Variants in SNX29 observed in about 807,000 individuals in gnomAD.
SNX29 encodes sorting nexin 29.
A neutral mutation model predicts 102.1 loss-of-function variants in SNX29; 78 were observed. That is an observed-to-expected ratio of 0.76 (90% CI 0.64 to 0.92). SNX29 has a LOEUF of 0.92. SNX29 is among the 40% of genes least tolerant of loss of function. SNX29 has a pLI of 0.00. For missense variants in SNX29, 1,280 were observed against 1,061.7 expected (o/e 1.21, Z -2.86); for synonymous variants, 580 against 414.5 (o/e 1.40, Z -4.85).
intron 20 of SNX29, among the ~76,000 whole-genome samples, chr16:12,540,922 A>C (rs2077305776): frequency 6.6e-6 from 1 of 152,036 alleles, no homozygotes; most frequent in East Asian, 1.9e-4. Flanking sequence ...CTGTCTGTTC[A>C]CCCCCTGCCC....
chr16:12,571,393 A>G lies in SNX29; in HGVS notation c.*2764A>G, dbSNP rs1220988028. On this transcript the variant is annotated 3_prime_UTR_variant, in exon 21 of 21. Transcript: ENST00000566228. ...TGGCGAAGACACCCCTGAGGAAAGG[A>G]TTGCTTGCACCTCACATCTGTCTTC... The G allele has an allele frequency of 4.3e-6, 1 of 231,786 alleles. No individual in the cohort carries two copies. Among genetic ancestry groups the G allele is most frequent in the Non-Finnish European group, 8.5e-6 (1 of 117,356 alleles). The allele number at this position is 231,786 out of a possible 1,614,324, so 14.4% of individuals were successfully genotyped here.
chr16:12,212,361 G>A (rs1409387959), intron 14 of SNX29, among the ~76,000 whole-genome samples: 2 of 152,152 alleles, frequency 1.3e-5, no homozygotes, highest in African/African-American at 4.8e-5. Context: ...GCAGGGCTGT[G>A]TGTAGACTGG....
At chr16:12,290,327 A>G (rs1392287107) in intron 15 of SNX29, among the ~76,000 whole-genome samples, 2 of 152,000 alleles carry the variant, frequency 1.3e-5, no homozygotes, top group Non-Finnish European at 2.9e-5. Context: ...CCCACCTGGA[A>G]CCCTGTTCTT....
intron 14 of SNX29, among the ~76,000 whole-genome samples, 184 bp from the exon 15 acceptor site, chr16:12,277,749 G>A (rs565720202): frequency 2.6e-5 from 4 of 152,040 alleles, no homozygotes; most frequent in East Asian, 1.9e-4. Flanking sequence ...CTTGTCACTC[G>A]TTTTATTGTA....
intron 15 of SNX29, among the ~76,000 whole-genome samples, chr16:12,335,011 A>C (rs984399963): frequency 1.3e-5 from 2 of 150,542 alleles, no homozygotes; most frequent in Admixed American, 1.3e-4. Flanking sequence ...ATGCGTCAGA[A>C]AACAAACCCT....
intron 1 of SNX29, among the ~76,000 whole-genome samples, chr16:11,991,516 A>T (rs1005744256): frequency 6.6e-6 from 1 of 151,788 alleles, no homozygotes; most frequent in African/African-American, 2.4e-5. Context: ...ATATAAATAT[A>T]TGTAAATTTA....
intron 20 of SNX29, among the ~76,000 whole-genome samples, chr16:12,547,400 C>G (rs937569736): frequency 4.6e-5 from 7 of 152,104 alleles, no homozygotes; most frequent in Non-Finnish European, 8.8e-5. Flanking sequence ...GGTGATAGAA[C>G]AGGTAGTTAG....
chr16:11,999,407 A>ATAAT, intron 2 of SNX29, 49 bp downstream of exon 2: 11 of 1,581,244 alleles, frequency 7.0e-6, no homozygotes, highest in Non-Finnish European at 9.6e-6. Flanking sequence ...ATAGTGTCAG[A>ATAAT]TAATTAATGT....
chr16:12,383,623 G>C (rs1369436759), intron 16 of SNX29, among the ~76,000 whole-genome samples: 2 of 151,760 alleles, frequency 1.3e-5, no homozygotes, highest in African/African-American at 2.4e-5. Context: ...TTTTAGTAAA[G>C]ACGGGTTTCA....
Position 12,199,625 on chromosome 16 carries a change from A to G in SNX29, c.1620A>G (p.Gln540=), listed in dbSNP as rs759625197. The G allele has an allele frequency of 1.4e-5, 23 of 1,613,242 alleles. No individual in the cohort carries two copies. The South Asian group carries it at 2.5e-4, about 18-fold the overall frequency. ...GAGAGAACGAGGTGCTCAAAGTCCA[A>G]CTGAAGAAATATGTAGGAGCTGTCC... ...LARENEVLKV[Q]LKKYVGAVQM... Residue 540 remains glutamine (Q), a synonymous_variant, in exon 14 of 21, where the codon CAA becomes CAG. Transcript: ENST00000566228.
intron 16 of SNX29, among the ~76,000 whole-genome samples, chr16:12,369,751 G>A (rs562058121): frequency 2.0e-5 from 3 of 152,268 alleles, no homozygotes; most frequent in African/African-American, 4.8e-5. Flanking sequence ...ATAACCACAT[G>A]ATTATGTTAA....
At chr16:12,337,077 C>T (rs1002848965) in intron 15 of SNX29, among the ~76,000 whole-genome samples, 1 of 152,182 alleles carries the variant, frequency 6.6e-6, no homozygotes, top group Non-Finnish European at 1.5e-5. Context: ...CCATCTTGGG[C>T]AGCAGGTAGT....
chr16:12,381,894 C>T (rs1028602848), intron 16 of SNX29, among the ~76,000 whole-genome samples: 8 of 149,694 alleles, frequency 5.3e-5, no homozygotes, highest in Admixed American at 1.3e-4. Context: ...CATTCACCCC[C>T]ACTCCCGTCA....
chr16:12,291,739 A>G (rs1249951888), intron 15 of SNX29, among the ~76,000 whole-genome samples: 1 of 152,204 alleles, frequency 6.6e-6, no homozygotes, highest in Non-Finnish European at 1.5e-5. Context: ...GAAGAGCTCC[A>G]TTGAGACATG....
chr16:12,553,074 C>G (rs555250710), intron 20 of SNX29, among the ~76,000 whole-genome samples: 1 of 152,216 alleles, frequency 6.6e-6, no homozygotes, highest in East Asian at 1.9e-4. Context: ...AAGCAACACT[C>G]ACCTGCATAT....
chr16:12,267,782 G>C (rs1368829089), intron 14 of SNX29, among the ~76,000 whole-genome samples: 2 of 152,170 alleles, frequency 1.3e-5, no homozygotes, highest in African/African-American at 2.4e-5. Context: ...CCCAGCCTCT[G>C]CACTGCATAT....
At position 12,570,196 on chromosome 16, in the gene SNX29, C is replaced by A. The variant is rs1028357769; in HGVS notation, c.*1567C>A. 6.6e-6 allele frequency: 7 copies of A among 1,065,452 alleles called. No homozygotes were observed. The highest frequency in any genetic ancestry group is 8.0e-6 in the Non-Finnish European group (7 of 879,246). The allele number at this position is 1,065,452 out of a possible 1,614,324, so 66.0% of individuals were successfully genotyped here. A position where few individuals can be genotyped will look rare whatever the true frequency, so the allele number is the denominator to read the frequency against. ...AGAGAAACCGAGTCAGCCTACATGA[C>A]TTCCAAGGGGACCTGGGGCCAGATA... is the stretch of plus-strand genomic sequence containing the variant. On this transcript the variant is annotated 3_prime_UTR_variant, in exon 21 of 21. Coordinates refer to ENST00000566228, the MANE Select transcript of SNX29 (RefSeq NM_032167.5).
At chr16:11,981,368 T>C (rs567534090) in intron 1 of SNX29, among the ~76,000 whole-genome samples, 22 of 152,160 alleles carry the variant, frequency 1.4e-4, no homozygotes, top group African/African-American at 5.3e-4. Context: ...CCTCCCAAAG[T>C]GCTGGGATTA....
At chr16:12,128,000 A>T (rs2054292538) in intron 12 of SNX29, among the ~76,000 whole-genome samples, 1 of 152,000 alleles carries the variant, frequency 6.6e-6, no homozygotes, top group Admixed American at 6.6e-5. Flanking sequence ...GCTCTTTTAC[A>T]CACAGTCATG....
Sources: allele counts gnomAD v4.1 joint callset (sites outside exome capture counted in the v4.1 genomes callset), GRCh38; gene constraint gnomAD v4.1.1; transcripts MANE v1.5; gene names NCBI Gene and HGNC (gene_info 2026-07-23, HGNC 2026-07-21).